The following PTPRM variants were observed in gnomAD, a reference collection of about 807,000 sequenced individuals.
PTPRM encodes receptor-type tyrosine-protein phosphatase mu.
A neutral mutation model predicts 186.7 loss-of-function variants in PTPRM; 47 were observed. The ratio of observed to expected loss-of-function variants is 0.25; its 90% confidence interval spans 0.20 to 0.32. The LOEUF is 0.32. Ranked by LOEUF, PTPRM falls within the 10% of genes least tolerant of loss-of-function variation. The pLI, the probability that PTPRM is intolerant of heterozygous loss-of-function variation, is 1.00. For missense variants in PTPRM, 1,494 were observed against 1,865.0 expected (o/e 0.80, Z 3.66); for synonymous variants, 668 against 674.9 (o/e 0.99, Z 0.16).
At chr18:8,030,851 T>C (rs1568216079) in intron 7 of PTPRM, among the ~76,000 whole-genome samples, 1 of 152,204 alleles carries the variant, frequency 6.6e-6, no homozygotes, top group East Asian at 1.9e-4. Flanking sequence ...ATGTTTTATA[T>C]AAAAAATCAC....
At chr18:8,382,366 A>G (rs2095742556) in intron 29 of PTPRM, among the ~76,000 whole-genome samples, 1 of 152,096 alleles carries the variant, frequency 6.6e-6, no homozygotes, top group Non-Finnish European at 1.5e-5. Context: ...CAGAAAGCAG[A>G]GTAAGCTCAG....
chr18:7,816,971 A>G (rs915335125), intron 2 of PTPRM, among the ~76,000 whole-genome samples: 1 of 130,500 alleles, frequency 7.7e-6, no homozygotes, highest in African/African-American at 3.0e-5. Context: ...TAGTTAGTTA[A>G]TTAATTTTTT....
At chr18:8,029,618 T>G (rs1041906635) in intron 7 of PTPRM, among the ~76,000 whole-genome samples, 6 of 152,252 alleles carry the variant, frequency 3.9e-5, no homozygotes, top group African/African-American at 1.4e-4. Context: ...CTTTTGTATC[T>G]TGTATATGCC....
At chr18:8,223,186 T>C (rs553288638) in intron 14 of PTPRM, among the ~76,000 whole-genome samples, 10 of 152,134 alleles carry the variant, frequency 6.6e-5, no homozygotes, top group South Asian at 2.1e-4. Context: ...ATCGCACCAC[T>C]GCACTCCAGC....
At position 7,668,969 on chromosome 18, in the gene PTPRM, C is replaced by A. The variant is rs1459826587; in HGVS notation, c.73+101078C>A. Among the ~76,000 whole-genome samples, 4 of 152,006 alleles carry A rather than the reference C, an allele frequency of 2.6e-5. No homozygotes were observed. On this transcript the variant is annotated intron_variant, in intron 1 of 32. Coordinates refer to ENST00000580170, the MANE Select transcript of PTPRM (RefSeq NM_001105244.2). This position sits in a 1 kb window ranked among gnomAD's most constrained non-coding sequence, Gnocchi z 4.7. ...TCAGATGCCTTAGACCAGTGCCTGG[C>A]ACATAGTAGGAGCTCTATAAACATT... is the stretch of plus-strand genomic sequence containing the variant.
chr18:7,706,495 G>A (rs997886243), intron 1 of PTPRM, among the ~76,000 whole-genome samples: 3 of 150,884 alleles, frequency 2.0e-5, no homozygotes, highest in African/African-American at 7.3e-5. Flanking sequence ...ACAGCTAATT[G>A]GGAGGCTAAG....
At chr18:8,179,680 G>A (rs2093545716) in intron 14 of PTPRM, among the ~76,000 whole-genome samples, 1 of 151,940 alleles carries the variant, frequency 6.6e-6, no homozygotes, top group Non-Finnish European at 1.5e-5. Context: ...ATGTTGGCCA[G>A]GATGGTCTTG....
At chr18:7,922,738 T>C (rs2050938174) in intron 4 of PTPRM, among the ~76,000 whole-genome samples, 1 of 152,188 alleles carries the variant, frequency 6.6e-6, no homozygotes, top group South Asian at 2.1e-4. Context: ...TATGCCACCA[T>C]TTCAGAACTG....
At chr18:8,401,337 T>A (rs1426910674) in intron 32 of PTPRM, among the ~76,000 whole-genome samples, 5 of 152,194 alleles carry the variant, frequency 3.3e-5, no homozygotes, top group Non-Finnish European at 7.3e-5. Context: ...AATGAGCCAC[T>A]CATCATTCCA....
At chr18:8,198,531 G>A (rs767476098) in intron 14 of PTPRM, among the ~76,000 whole-genome samples, 7 of 152,054 alleles carry the variant, frequency 4.6e-5, no homozygotes, top group Non-Finnish European at 1.0e-4. Flanking sequence ...CCATACCTCC[G>A]TATTTCTAAG....
chr18:7,801,246 T>C (rs2043952013), intron 2 of PTPRM, among the ~76,000 whole-genome samples: 1 of 152,184 alleles, frequency 6.6e-6, no homozygotes, highest in South Asian at 2.1e-4. Flanking sequence ...TGTATAAAAA[T>C]ATTTTCTTTA....
intron 1 of PTPRM, among the ~76,000 whole-genome samples, chr18:7,764,879 A>G (rs1166103838): frequency 1.3e-5 from 2 of 152,198 alleles, no homozygotes; most frequent in Non-Finnish European, 2.9e-5. Context: ...GAGGCAGACA[A>G]CTATTTTTTA....
At chr18:7,597,705 G>T (rs2037300888) in intron 1 of PTPRM, among the ~76,000 whole-genome samples, 1 of 152,164 alleles carries the variant, frequency 6.6e-6, no homozygotes, top group East Asian at 1.9e-4. Context: ...AGTGGGTCTG[G>T]ATACATAGCT....
At chr18:7,696,597 C>G (rs2039849468) in intron 1 of PTPRM, among the ~76,000 whole-genome samples, 1 of 152,110 alleles carries the variant, frequency 6.6e-6, no homozygotes, top group South Asian at 2.1e-4. Flanking sequence ...GACTTGGGAA[C>G]ACAGGCCACA....
chr18:8,006,772 C>T (rs1289134147), intron 7 of PTPRM, among the ~76,000 whole-genome samples: 4 of 152,144 alleles, frequency 2.6e-5, no homozygotes, highest in Non-Finnish European at 5.9e-5. Flanking sequence ...CCAGAACACT[C>T]GTGTGGGTTT....
At chr18:7,866,379 A>G (rs75615314) in intron 2 of PTPRM, among the ~76,000 whole-genome samples, 1 of 152,054 alleles carries the variant, frequency 6.6e-6, no homozygotes, top group African/African-American at 2.4e-5. Flanking sequence ...AGATTCTGGT[A>G]TGTTGTGTCT....
At chr18:8,361,290 AT>A (rs765505069) in intron 23 of PTPRM, among the ~76,000 whole-genome samples, 73 of 152,252 alleles carry the variant, frequency 4.8e-4, no homozygotes, top group Admixed American at 1.0e-3. Context: ...TATCTTCCTA[AT>A]ACTGATACAG....
chr18:7,929,917 T>C (rs1391834344), intron 5 of PTPRM, among the ~76,000 whole-genome samples: 1 of 152,218 alleles, frequency 6.6e-6, no homozygotes, highest in African/African-American at 2.4e-5. Flanking sequence ...ATTTGGGTCC[T>C]CAAAATAATC....
intron 1 of PTPRM, among the ~76,000 whole-genome samples, chr18:7,619,723 G>A (rs2037892069): frequency 6.6e-6 from 1 of 152,162 alleles, no homozygotes; most frequent in South Asian, 2.1e-4. Flanking sequence ...CAGGTGTTGG[G>A]GACCCACTGG....
Sources: gnomAD v4.1 joint callset for allele counts (sites outside exome capture counted in the v4.1 genomes callset) on GRCh38, gnomAD v4.1.1 for gene constraint, Gnocchi (gnomAD v3.1) non-coding constraint, MANE v1.5 for transcripts, NCBI Gene and HGNC (gene_info 2026-07-23, HGNC 2026-07-21) for gene names.